Variants in HACD1 observed in about 807,000 individuals in gnomAD.
The protein encoded by HACD1 is 3-hydroxyacyl-CoA dehydratase 1.
A neutral mutation model predicts 32.0 loss-of-function variants in HACD1; 41 were observed. The ratio of observed to expected loss-of-function variants is 1.28; its 90% CI spans 1.00 to 1.66. The LOEUF is 1.66. HACD1 is among the 40% of genes most tolerant of loss of function. The probability of loss-of-function intolerance (pLI) is 0.00; values close to 1 mark genes in which losing one functional copy is unlikely to be tolerated. For synonymous variants in HACD1, 142 were observed against 139.0 expected, an observed-to-expected ratio of 1.02 and a Z score of -0.15; for missense variants, 396 against 380.1, an observed-to-expected ratio of 1.04 and a Z score of -0.35.
rs1834124844 is a variant in HACD1 at position 17,604,954 on chromosome 10, C to T, written c.258-907G>A. On this transcript the variant is annotated intron_variant, in intron 1 of 6. Coordinates refer to ENST00000361271, the MANE Select transcript of HACD1 (RefSeq NM_014241.4). ...CTCCTGAACTCAAGTGATCCATCCA[C>T]CTCAGCCTCCCAAAGTGCTGGGATT... Among the ~76,000 whole-genome samples the T allele has an allele frequency of 2.0e-5, 3 of 152,286 alleles. No homozygotes were observed. In the South Asian group the frequency reaches 6.2e-4, roughly 32 times the overall value.
At chr10:17,599,174 C>A in intron 5 of HACD1, 116 bp downstream of exon 5, 2 of 1,491,736 alleles carry the variant, frequency 1.3e-6, no homozygotes, top group Non-Finnish European at 8.9e-7. Context: ...AGTTATACCT[C>A]CTATAACAGC....
chr10:17,610,987 T>A (rs1196980478), intron 1 of HACD1, among the ~76,000 whole-genome samples: 1 of 149,094 alleles, frequency 6.7e-6, no homozygotes, highest in Admixed American at 6.8e-5. Context: ...ACTCTACACT[T>A]CAGGTCCTCT....
Position 17,594,324 on chromosome 10 carries a change from T to A in HACD1, c.665A>T (p.Tyr222Phe). 1.3e-6 allele frequency: 2 copies of A among 1,597,374 alleles called. No individual in the cohort carries two copies. The highest frequency in any genetic ancestry group is 1.7e-6 in the Non-Finnish European group (2 of 1,171,814). Residue 222 changes from tyrosine to phenylalanine, a missense_variant, in exon 6 of 7, where the codon TAC (tyrosine) becomes TTC (phenylalanine). By Grantham distance (22) the Tyr-to-Phe change is conservative. Transcript: ENST00000361271. ...VGVAGELLTI[Y>F]AALPHVKKTG... ...TTTCTTCACATGCGGCAAGGCAGCG[T>A]ATATTGTAAGAAGTTCACCAGCAAC... is the stretch of plus-strand genomic sequence containing the variant.
In HACD1 at chr10:17,599,284, C is replaced by A; in HGVS notation, c.605+6G>T. The stretch of plus-strand genomic sequence containing the variant: ...AAGGAGAAACTAAACTGCAAGATAT[C>A]GCCACCTGGCCCATTTAATGAAGTA... On this transcript the variant is annotated splice_donor_region_variant and intron_variant, in intron 5 of 6. Transcript: ENST00000361271. 1.2e-6 allele frequency: 2 copies of A among 1,613,398 alleles called. No individual in the cohort carries two copies. The highest frequency in any genetic ancestry group is 2.2e-5 in the East Asian group (1 of 44,856).
chr10:17,594,908 G>T (rs574541772), intron 5 of HACD1, among the ~76,000 whole-genome samples: 1 of 151,520 alleles, frequency 6.6e-6, no homozygotes, highest in South Asian at 2.1e-4. Flanking sequence ...GCCTAGACTG[G>T]AGTGCAGTGG....
intron 5 of HACD1, among the ~76,000 whole-genome samples, chr10:17,597,094 CAT>C (rs1334053365): frequency 1.3e-5 from 2 of 152,160 alleles, no homozygotes; most frequent in African/African-American, 4.8e-5. Context: ...TATTATGTAA[CAT>C]ATGATTTCAA....
At chr10:17,616,780 C>T (rs1417786785) in intron 1 of HACD1, among the ~76,000 whole-genome samples, 2 of 152,132 alleles carry the variant, frequency 1.3e-5, no homozygotes, top group Non-Finnish European at 2.9e-5. Flanking sequence ...GCAGCGAAGG[C>T]AGCGGCGCCG....
At chr10:17,595,555 A>C (rs939237574) in intron 5 of HACD1, among the ~76,000 whole-genome samples, 4 of 152,088 alleles carry the variant, frequency 2.6e-5, no homozygotes, top group Non-Finnish European at 5.9e-5. Flanking sequence ...TCTAAATCCA[A>C]AGTCATCATG....
At position 17,594,475 on chromosome 10, in the gene HACD1, CA is replaced by C. The variant is rs369542205; in HGVS notation, c.606-93del. On this transcript the variant is annotated intron_variant, in intron 5 of 6. Transcript: ENST00000361271. ...TATTGCTACTACTAAATTTAAACTT[CA>C]AAATTCTCTTTTCTTTACATATTTA... The C allele has an allele frequency of 7.7e-4, 760 of 981,976 alleles. 5 individuals carry two copies. The African/African-American group carries it at 0.011, about 15-fold the overall frequency. 60.8% of individuals were successfully genotyped at this position (981,976 alleles called of 1,614,324 possible).
chr10:17,601,382 G>A (rs1834068361), intron 4 of HACD1, among the ~76,000 whole-genome samples: 1 of 152,160 alleles, frequency 6.6e-6, no homozygotes, highest in Admixed American at 6.5e-5. Flanking sequence ...ACCAGGTGTA[G>A]AGAACGCATT....
Position 17,599,347 on chromosome 10 carries a change from T to C in HACD1, c.548A>G (p.Tyr183Cys). The C allele has an allele frequency of 6.2e-7, 1 of 1,614,026 alleles. No homozygotes were observed. Among genetic ancestry groups the C allele is most frequent in the Non-Finnish European group, 8.5e-7 (1 of 1,180,012 alleles). Residue 183 changes from tyrosine (Y) to cysteine (C), a missense_variant, in exon 5 of 7, where the codon TAT (tyrosine) becomes TGT (cysteine). Transcript: ENST00000361271. ...VAWTVTEITR[Y>C]SFYTFSLLDH... ...AAGAAGGCTGAATGTGTAGAAGGAA[T>C]AGCGAGTGATCTCTGTCACAGTCCA...
At chr10:17,593,741 G>C (rs1188187741) in intron 6 of HACD1, among the ~76,000 whole-genome samples, 1 of 152,172 alleles carries the variant, frequency 6.6e-6, no homozygotes, top group Non-Finnish European at 1.5e-5. Context: ...TTTATTATTT[G>C]CAAGTACATA....
chr10:17,599,256 G>A (rs1200431614), intron 5 of HACD1, 34 bp downstream of exon 5: 5 of 1,611,742 alleles, frequency 3.1e-6, no homozygotes, highest in Non-Finnish European at 4.2e-6. Flanking sequence ...GCATGCACAG[G>A]ACAAGGAGAA....
intron 1 of HACD1, among the ~76,000 whole-genome samples, chr10:17,616,394 G>T (rs1274331704): frequency 6.6e-6 from 1 of 152,196 alleles, no homozygotes; most frequent in Non-Finnish European, 1.5e-5. Flanking sequence ...TTGAGAAATG[G>T]AAAAGCATTT....
chr10:17,616,108 A>T (rs2131526715), intron 1 of HACD1: 1 of 158,320 alleles, frequency 6.3e-6, no homozygotes, highest in South Asian at 1.4e-4. Context: ...CTCTACTAAA[A>T]ATACAAAAAA....
chr10:17,610,271 C>G (rs914890658), intron 1 of HACD1, among the ~76,000 whole-genome samples: 1 of 152,168 alleles, frequency 6.6e-6, no homozygotes. Context: ...ACTTAACATT[C>G]TGGGAAATGA....
At chr10:17,599,187 T>A (rs1473766109) in intron 5 of HACD1, 103 bp downstream of exon 5, 5 of 1,525,112 alleles carry the variant, frequency 3.3e-6, no homozygotes, top group Non-Finnish European at 4.4e-6. Flanking sequence ...ATAACAGCAT[T>A]CTGGCATCGT....
At chr10:17,601,554 C>A (rs1834070778) in intron 4 of HACD1, among the ~76,000 whole-genome samples, 1 of 152,106 alleles carries the variant, frequency 6.6e-6, no homozygotes, top group East Asian at 1.9e-4. Context: ...CTCAAGCTTC[C>A]CTTTACCTCC....
At chr10:17,591,716 C>G (rs10508535) in intron 6 of HACD1, among the ~76,000 whole-genome samples, 32,478 of 151,998 alleles carry the variant, frequency 0.21, 4,063 homozygotes, top group East Asian at 0.47. Flanking sequence ...TCAGAATAAT[C>G]AAACCAATGA....
Sources: gnomAD v4.1 joint callset for allele counts (sites outside exome capture counted in the v4.1 genomes callset) on GRCh38, gnomAD v4.1.1 for gene constraint, MANE v1.5 for transcripts, NCBI Gene and HGNC (gene_info 2026-07-23, HGNC 2026-07-21) for gene names.